GABRG3: variants seen among roughly 807,000 people sequenced by gnomAD.
GABRG3 encodes gamma-aminobutyric acid type A receptor subunit gamma3.
In GABRG3, 25 loss-of-function variants were observed where a neutral mutation model predicts 48.8. The observed-to-expected ratio is 0.51, with a 90% CI of 0.37 to 0.72. The LOEUF (loss-of-function observed/expected upper bound fraction) is 0.72. GABRG3 is among the 30% of genes least tolerant of loss of function. The pLI is 0.00. For missense variants in GABRG3, 394 were observed against 577.9 expected (o/e 0.68, Z 3.26); for synonymous variants, 227 against 217.6 (o/e 1.04, Z -0.38).
At chr15:27,501,775 C>CGT in intron 6 of GABRG3, among the ~76,000 whole-genome samples, 1 of 152,252 alleles carries the variant, frequency 6.6e-6, no homozygotes, top group South Asian at 2.1e-4. Flanking sequence ...TGTGTGCAAG[C>CGT]ACCTTTGAAC....
intron 5 of GABRG3, among the ~76,000 whole-genome samples, chr15:27,395,168 A>T (rs900812041): frequency 8.9e-4 from 135 of 152,248 alleles, no homozygotes; most frequent in African/African-American, 3.2e-3. Context: ...CTGTTTCCCC[A>T]GACTGGTAAT....
At chr15:27,190,122 G>A (rs561491543) in intron 3 of GABRG3, among the ~76,000 whole-genome samples, 145 of 152,306 alleles carry the variant, frequency 9.5e-4, no homozygotes, top group African/African-American at 3.1e-3. Flanking sequence ...GCTGGATTCG[G>A]TTTGCCAGTG....
intron 3 of GABRG3, among the ~76,000 whole-genome samples, chr15:27,105,785 G>C (rs1229567121): frequency 6.6e-6 from 1 of 151,830 alleles, no homozygotes; most frequent in Non-Finnish European, 1.5e-5. Flanking sequence ...CTCTCTTCTG[G>C]GACAAAATGA....
intron 3 of GABRG3, among the ~76,000 whole-genome samples, chr15:27,276,582 A>G (rs1891261349): frequency 6.6e-6 from 1 of 152,214 alleles, no homozygotes. Flanking sequence ...TAAGAAATAA[A>G]TAAGGCTGGG....
At chr15:27,458,678 A>G (rs2150834498) in intron 5 of GABRG3, among the ~76,000 whole-genome samples, 1 of 150,812 alleles carries the variant, frequency 6.6e-6, no homozygotes, top group African/African-American at 2.5e-5. Context: ...CACTTTCTCC[A>G]TATGCCTCTG....
intron 5 of GABRG3, among the ~76,000 whole-genome samples, chr15:27,384,228 A>G (rs1895859268): frequency 1.3e-5 from 2 of 152,224 alleles, no homozygotes; most frequent in South Asian, 4.1e-4. Flanking sequence ...ATACAGCATC[A>G]TTGCAAGCAG....
chr15:27,062,432 A>T (rs1452847569), intron 3 of GABRG3, among the ~76,000 whole-genome samples: 3 of 112,582 alleles, frequency 2.7e-5, no homozygotes, highest in African/African-American at 9.4e-5. Flanking sequence ...CTCCATCTCT[A>T]CTAAAAAAAA....
chr15:27,131,023 T>G (rs528892261), intron 3 of GABRG3, among the ~76,000 whole-genome samples: 1 of 152,140 alleles, frequency 6.6e-6, no homozygotes, highest in African/African-American at 2.4e-5. Context: ...TGTATGCCTT[T>G]TAATTTTCTT....
At chr15:27,513,067 A>G (rs1254179029) in intron 6 of GABRG3, among the ~76,000 whole-genome samples, 4 of 152,180 alleles carry the variant, frequency 2.6e-5, no homozygotes, top group Non-Finnish European at 5.9e-5. Flanking sequence ...TAAAAGAAAC[A>G]TAGACAGAGA....
chr15:27,458,369 G>A (rs1286492244), intron 5 of GABRG3, among the ~76,000 whole-genome samples: 1 of 152,146 alleles, frequency 6.6e-6, no homozygotes, highest in East Asian at 1.9e-4. Context: ...AGTACTTTTT[G>A]ACTGGTGACG....
chr15:27,475,976 T>C (rs1227455806), intron 5 of GABRG3, among the ~76,000 whole-genome samples: 1 of 152,124 alleles, frequency 6.6e-6, no homozygotes, highest in Non-Finnish European at 1.5e-5. Flanking sequence ...GGAAATATTG[T>C]GGCTGATTAT....
chr15:27,471,017 G>A (rs1889772800), intron 5 of GABRG3, among the ~76,000 whole-genome samples: 1 of 152,076 alleles, frequency 6.6e-6, no homozygotes, highest in Non-Finnish European at 1.5e-5. Flanking sequence ...TCAAGACAGA[G>A]GAACTGCATT....
intron 3 of GABRG3, among the ~76,000 whole-genome samples, chr15:27,300,996 A>G (rs931139000): frequency 6.6e-6 from 1 of 152,156 alleles, no homozygotes; most frequent in Non-Finnish European, 1.5e-5. Context: ...AAAAACTTGT[A>G]GGATAACATC....
intron 3 of GABRG3, among the ~76,000 whole-genome samples, chr15:27,083,732 T>A (rs189783913): frequency 1.3e-5 from 2 of 152,298 alleles, no homozygotes; most frequent in Admixed American, 6.5e-5. Flanking sequence ...TACATATGGA[T>A]CATTCTTTCC....
At chr15:27,480,511 G>T in intron 5 of GABRG3, 139 bp from the exon 6 acceptor site, 1 of 767,000 alleles carries the variant, frequency 1.3e-6, no homozygotes, top group South Asian at 2.0e-5. Context: ...TCTGTGTCTT[G>T]GAGGAAAATT....
At chr15:27,514,387 C>A (rs539160380) in intron 6 of GABRG3, among the ~76,000 whole-genome samples, 1 of 152,188 alleles carries the variant, frequency 6.6e-6, no homozygotes, top group Non-Finnish European at 1.5e-5. Flanking sequence ...GACTTGACTG[C>A]AGAAGAATCA....
intron 6 of GABRG3, among the ~76,000 whole-genome samples, chr15:27,488,199 T>A (rs777954321): frequency 6.6e-6 from 1 of 152,178 alleles, no homozygotes; most frequent in Non-Finnish European, 1.5e-5. Flanking sequence ...CTTTTAAGCA[T>A]TGATGTCATT....
chr15:27,119,942 C>T (rs1195795076), intron 3 of GABRG3, among the ~76,000 whole-genome samples: 1 of 152,182 alleles, frequency 6.6e-6, no homozygotes, highest in Non-Finnish European at 1.5e-5. Flanking sequence ...ATGGGAGTGA[C>T]GTTTGTCACC....
intron 5 of GABRG3, among the ~76,000 whole-genome samples, chr15:27,392,517 C>A (rs1253724425): frequency 6.6e-6 from 1 of 152,182 alleles, no homozygotes; most frequent in African/African-American, 2.4e-5. Flanking sequence ...CAACTTGTCA[C>A]CTTTGATGAT....
Sources: gnomAD v4.1 joint callset for allele counts (sites outside exome capture counted in the v4.1 genomes callset) on GRCh38, gnomAD v4.1.1 for gene constraint, MANE v1.5 for transcripts, NCBI Gene and HGNC (gene_info 2026-07-23, HGNC 2026-07-21) for gene names.